Variants in CXCR5 observed in about 807,000 individuals in gnomAD.
CXCR5 encodes C-X-C motif chemokine receptor 5.
In CXCR5, 3 loss-of-function variants were observed where a neutral mutation model predicts 5.6. The ratio of observed to expected loss-of-function variants is 0.54; its 90% CI spans 0.24 to 1.39. The LOEUF is 1.39. CXCR5 is among the 40% of genes most tolerant of loss of function. CXCR5 has a pLI of 0.16. For synonymous variants in CXCR5, 218 were observed against 219.9 expected (o/e 0.99, Z 0.08); for missense variants, 333 against 494.6 (o/e 0.67, Z 3.10).
In CXCR5 at chr11:118,896,776, A is replaced by G. The variant is rs935997280; in HGVS notation, c.*2113A>G. On this transcript the variant is annotated 3_prime_UTR_variant, in exon 2 of 2. Coordinates refer to ENST00000292174, the MANE Select transcript of CXCR5 (RefSeq NM_001716.5). ...GGCTAGGGACGGGTCCTGGTAGAAG[A>G]CACCCTGTCTAGAATGGCCCTTGGT... The G allele has an allele frequency of 6.5e-6, 1 of 152,734 alleles. No homozygotes were observed. The highest frequency in any genetic ancestry group is 2.4e-5 in the African/African-American group (1 of 41,476). The allele number at this position is 152,734 out of a possible 1,614,324, so 9.5% of individuals were successfully genotyped here.
rs148564775 is a variant in CXCR5, at chr11:118,893,704, G to T, written c.160G>T (p.Val54Leu). Residue 54 changes from valine (V) to leucine (L), a missense_variant, in exon 2 of 2, where the codon GTG (valine) becomes TTG (leucine). Val to Leu is a conservative substitution (Grantham distance 32). Transcript: ENST00000292174. The surrounding 1 kb of genome is among the most constrained non-coding windows in gnomAD (Gnocchi z 5.7). ...PLMASFKAVF[V>L]PVAYSLIFLL... ...CATGGCCTCCTTCAAGGCCGTGTTC[G>T]TGCCCGTGGCCTACAGCCTCATCTT... The T allele has an allele frequency of 3.5e-4, 560 of 1,614,128 alleles. No individual in the cohort carries two copies. Among genetic ancestry groups the T allele is most frequent in the Non-Finnish European group, 4.2e-4 (492 of 1,180,018 alleles).
In CXCR5 at chr11:118,893,777, G is replaced by A. The variant is rs201054408; in HGVS notation, c.233G>A (p.Arg78Gln). The change falls in exon 2 of 2, where the codon CGG becomes CAG. Residue 78 changes from arginine (R) to glutamine (Q), a missense_variant. By Grantham distance (43) the Arg-to-Gln change is conservative (BLOSUM62 1). Coordinates refer to ENST00000292174, the MANE Select transcript of CXCR5 (RefSeq NM_001716.5). This position sits in a 1 kb window ranked among gnomAD's most constrained non-coding sequence, Gnocchi z 5.7. The part of the protein sequence containing the change: ...GNVLVLVILE[R>Q]HRQTRSSTET... ...GTCCTGGTGCTGGTGATCCTGGAGC[G>A]GCACCGGCAGACACGCAGTTCCACG... The A allele has an allele frequency of 1.2e-5, 19 of 1,614,016 alleles. No individual in the cohort carries two copies. Among genetic ancestry groups the A allele is most frequent in the Middle Eastern group, 1.7e-4 (1 of 6,060 alleles).
intron 1 of CXCR5, chr11:118,886,467 T>C: frequency 5.5e-6 from 2 of 363,736 alleles, no homozygotes; most frequent in East Asian, 8.4e-5. Flanking sequence ...TCCACTTCTT[T>C]AAGGCAGGGG....
intron 1 of CXCR5, among the ~76,000 whole-genome samples, chr11:118,884,961 A>T (rs970717691): frequency 1.3e-5 from 2 of 152,072 alleles, no homozygotes; most frequent in Non-Finnish European, 2.9e-5. Context: ...TCGGGGCTGC[A>T]CTCTGGGTTA....
intron 1 of CXCR5, 141 bp downstream of exon 1, chr11:118,884,133 C>T (rs1234523999): frequency 2.5e-6 from 2 of 811,816 alleles, no homozygotes; most frequent in Non-Finnish European, 4.1e-6. Flanking sequence ...TCAGTCAGCT[C>T]CCGCCCTTTA....
intron 1 of CXCR5, among the ~76,000 whole-genome samples, chr11:118,885,386 G>A (rs1018617667): frequency 8.5e-5 from 13 of 152,206 alleles, no homozygotes; most frequent in African/African-American, 2.9e-4. Context: ...CTCGTGGGGG[G>A]TCCTGCTGGG....
At chr11:118,891,199 C>T (rs995852862) in intron 1 of CXCR5, among the ~76,000 whole-genome samples, 4 of 152,104 alleles carry the variant, frequency 2.6e-5, no homozygotes, top group South Asian at 2.1e-4. Flanking sequence ...GATGGGGTCT[C>T]GCTATGTCAT....
rs1230107087 is a variant in CXCR5 at position 118,884,010 on chromosome 11, G to T, written c.51+18G>T. On this transcript the variant is annotated intron_variant, in intron 1 of 1. Coordinates refer to ENST00000292174, the MANE Select transcript of CXCR5 (RefSeq NM_001716.5). ...AGGACCTGGTGAGTAGACACGGGTA[G>T]CTTCCTGTCGCCGAGGCCCTGTCTG... 3 of 1,611,068 alleles carry T rather than the reference G, an allele frequency of 1.9e-6. No individual in the cohort carries two copies. Among genetic ancestry groups the T allele is most frequent in the Non-Finnish European group, 8.5e-7 (1 of 1,178,438 alleles).
chr11:118,894,199 C>G lies in CXCR5; in HGVS notation c.655C>G (p.Arg219Gly). Residue 219 changes from arginine to glycine, a missense_variant, in exon 2 of 2, where the codon CGA (arginine) becomes GGA (glycine). Arg to Gly is a moderately radical substitution (Grantham distance 125, BLOSUM62 -2). Coordinates refer to ENST00000292174, the MANE Select transcript of CXCR5 (RefSeq NM_001716.5). The surrounding 1 kb of genome is among the most constrained non-coding windows in gnomAD (Gnocchi z 6.1). ...AGAAACGCATGCCTGGTTCACCTCC[C>G]GATTCCTCTACCATGTGGCGGGATT... ...QAETHAWFTSRFLYHVAGFLL... is the reference protein window; with the variant it reads ...QAETHAWFTSGFLYHVAGFLL... 6.2e-7 allele frequency: 1 copy of G among 1,614,120 alleles called. No individual in the cohort carries two copies. Among genetic ancestry groups the G allele is most frequent in the Non-Finnish European group, 8.5e-7 (1 of 1,180,034 alleles).
Position 118,883,924 on chromosome 11 carries a change from C to A in CXCR5, c.-18C>A, listed in dbSNP as rs1778505637. 6.2e-7 allele frequency: 1 copy of A among 1,609,530 alleles called. No individual in the cohort carries two copies. Among genetic ancestry groups the A allele is most frequent in the Non-Finnish European group, 8.5e-7 (1 of 1,177,858 alleles). The stretch of plus-strand genomic sequence containing the variant: ...CATAAGACAGTGACCAGTCTGGTGA[C>A]TCACAGCCGGCACAGCCATGAACTA... On this transcript the variant is annotated 5_prime_UTR_variant, in exon 1 of 2. Coordinates refer to ENST00000292174, the MANE Select transcript of CXCR5 (RefSeq NM_001716.5).
chr11:118,887,079 G>A (rs3176912), intron 1 of CXCR5: 6,157 of 202,012 alleles, frequency 0.03, 119 homozygotes, highest in South Asian at 0.085. Context: ...AAGGGTCAGA[G>A]ATGAGGGAGA....
At chr11:118,886,299 C>G (rs1565604575) in intron 1 of CXCR5, 2 of 440,826 alleles carry the variant, frequency 4.5e-6, no homozygotes, top group African/African-American at 4.2e-5. Context: ...GTTTTACACT[C>G]TCATGTTGAG....
At chr11:118,887,235 C>G in intron 1 of CXCR5, 1 of 985,406 alleles carries the variant, frequency 1.0e-6, no homozygotes, top group Non-Finnish European at 1.2e-6. Flanking sequence ...ACGGCAGAAA[C>G]AGTGGCCGCA....
In CXCR5 at chr11:118,894,129, C is replaced by T. The variant is rs747672304; in HGVS notation, c.585C>T (p.His195=). ...ILFAKVSQGH[H]NNSLPRCTFS... ...TCGCCAAAGTCAGCCAAGGCCATCA[C>T]AACAACTCCCTGCCACGTTGCACCT... Residue 195 remains histidine (H), a synonymous_variant, in exon 2 of 2, where the codon CAC becomes CAT. Coordinates refer to ENST00000292174, the MANE Select transcript of CXCR5 (RefSeq NM_001716.5). The surrounding 1 kb of genome is among the most constrained non-coding windows in gnomAD (Gnocchi z 6.1). 5 of 1,614,006 alleles carry T rather than the reference C, an allele frequency of 3.1e-6. No individual in the cohort carries two copies. In the African/African-American group the frequency reaches 5.3e-5, roughly 17 times the overall value.
rs187132041 is a variant in CXCR5 at position 118,893,555 on chromosome 11, G to A, written c.52-41G>A. ...GGGTTCCTCTCAGAGAGGAAAGACA[G>A]GTCCTTAGGTCCTCACCCTCCCGTC... On this transcript the variant is annotated intron_variant, in intron 1 of 1. Coordinates refer to ENST00000292174, the MANE Select transcript of CXCR5 (RefSeq NM_001716.5). This position sits in a 1 kb window ranked among gnomAD's most constrained non-coding sequence, Gnocchi z 5.7. 68 of 1,526,754 alleles carry A rather than the reference G, an allele frequency of 4.5e-5. No individual in the cohort carries two copies. The African/African-American group carries it at 9.1e-4, about 20-fold the overall frequency. The allele number at this position is 1,526,754 out of a possible 1,614,324, so 94.6% of individuals were successfully genotyped here.
At chr11:118,890,708 G>A (rs1426888109) in intron 1 of CXCR5, among the ~76,000 whole-genome samples, 5 of 152,194 alleles carry the variant, frequency 3.3e-5, no homozygotes, top group South Asian at 2.1e-4. Flanking sequence ...GAGGTTAGAC[G>A]TCTTCCCACA....
At chr11:118,886,221 T>C in intron 1 of CXCR5, 1 of 410,148 alleles carries the variant, frequency 2.4e-6, no homozygotes, top group South Asian at 1.8e-5. Context: ...CTTCTATTCC[T>C]TCTGCTTCCT....
At chr11:118,884,388 A>C (rs916109421) in intron 1 of CXCR5, among the ~76,000 whole-genome samples, 2 of 152,232 alleles carry the variant, frequency 1.3e-5, no homozygotes, top group African/African-American at 4.8e-5. Flanking sequence ...TGGCATTGCT[A>C]ATCAGTCAAT....
At chr11:118,888,752 G>T (rs1369782294) in intron 1 of CXCR5, among the ~76,000 whole-genome samples, 1 of 152,162 alleles carries the variant, frequency 6.6e-6, no homozygotes, top group African/African-American at 2.4e-5. Flanking sequence ...ATTTCATCTG[G>T]TTAGGTTGGA....
Sources: allele counts gnomAD v4.1 joint callset (sites outside exome capture counted in the v4.1 genomes callset), GRCh38; gene constraint gnomAD v4.1.1; non-coding constraint Gnocchi (gnomAD v3.1); transcripts MANE v1.5; gene names NCBI Gene and HGNC (gene_info 2026-07-23, HGNC 2026-07-21).